The following ZNF516 variants were observed in gnomAD, a reference collection of about 807,000 sequenced individuals.
ZNF516 encodes zinc finger protein 516.
A neutral mutation model predicts 79.7 loss-of-function variants in ZNF516; 19 were observed. The observed-to-expected ratio is 0.24, with a 90% CI of 0.17 to 0.35. The LOEUF (loss-of-function observed/expected upper bound fraction) is 0.35. Among genes scored for constraint, ZNF516 ranks in the 10% least tolerant of loss-of-function variants. ZNF516 has a pLI of 1.00. For synonymous variants in ZNF516, 877 were observed against 739.5 expected (o/e 1.19, Z -3.02); for missense variants, 1,678 against 1,679.5 (o/e 1.00, Z 0.02).
intron 6 of ZNF516, 37 bp downstream of exon 6, chr18:76,370,491 A>G: frequency 6.4e-7 from 1 of 1,566,210 alleles, no homozygotes; most frequent in Non-Finnish European, 8.7e-7. Context: ...CAGCTACCGC[A>G]TCGAAACCCA....
At chr18:76,412,759 T>A (rs1415047533) in intron 3 of ZNF516, among the ~76,000 whole-genome samples, 2 of 152,226 alleles carry the variant, frequency 1.3e-5, no homozygotes, top group Non-Finnish European at 2.9e-5. Context: ...CAAGATTTTG[T>A]CTGGACACAG....
chr18:76,460,339 T>A (rs1913023446), intron 2 of ZNF516, among the ~76,000 whole-genome samples: 1 of 152,190 alleles, frequency 6.6e-6, no homozygotes, highest in Non-Finnish European at 1.5e-5. Flanking sequence ...GCCCATTCCC[T>A]GTCTTCCTGC....
chr18:76,425,817 G>C (rs1246883983), intron 3 of ZNF516, among the ~76,000 whole-genome samples: 1 of 152,190 alleles, frequency 6.6e-6, no homozygotes, highest in African/African-American at 2.4e-5. Context: ...AGGGGTCGAG[G>C]TCCAGGTAAG....
At chr18:76,455,058 C>T (rs1400728467) in intron 2 of ZNF516, among the ~76,000 whole-genome samples, 1 of 152,138 alleles carries the variant, frequency 6.6e-6, no homozygotes, top group East Asian at 1.9e-4. Context: ...ACCCTTTATC[C>T]CAGCCTGGGT....
At chr18:76,441,129 G>A in intron 3 of ZNF516, 116 bp downstream of exon 3, 1 of 1,398,884 alleles carries the variant, frequency 7.1e-7, no homozygotes, top group East Asian at 2.5e-5. Flanking sequence ...GCTGAGTAAA[G>A]GGCCACCGGG....
intron 3 of ZNF516, chr18:76,388,553 C>T (rs1192384872): frequency 6.7e-6 from 1 of 149,824 alleles, no homozygotes; most frequent in Non-Finnish European, 1.5e-5. Flanking sequence ...CTCCCATGAG[C>T]CATCATGTAC....
chr18:76,435,988 G>A (rs1296662854), intron 3 of ZNF516, among the ~76,000 whole-genome samples: 2 of 152,254 alleles, frequency 1.3e-5, no homozygotes, highest in African/African-American at 4.8e-5. Flanking sequence ...CTTTTTGGGG[G>A]CACCTGACTT....
At chr18:76,407,998 G>A (rs747906033) in intron 3 of ZNF516, among the ~76,000 whole-genome samples, 7 of 152,224 alleles carry the variant, frequency 4.6e-5, no homozygotes, top group South Asian at 2.1e-4. Flanking sequence ...GGTGCAGCCC[G>A]CGCTGCTTCT....
At chr18:76,441,032 G>A (rs961926581) in intron 3 of ZNF516, among the ~76,000 whole-genome samples, 1 of 152,168 alleles carries the variant, frequency 6.6e-6, no homozygotes, top group South Asian at 2.1e-4. Context: ...GGGTGTGGGG[G>A]ACCCTGGGCA....
Position 76,361,366 on chromosome 18 carries a change from G to A in ZNF516, c.*1132C>T, listed in dbSNP as rs1197234467. On this transcript the variant is annotated 3_prime_UTR_variant, in exon 7 of 7. Coordinates refer to ENST00000443185, the MANE Select transcript of ZNF516 (RefSeq NM_014643.4). Reference sequence around the variant, plus strand: ...CAAAAACTCGCATTTGCATTACTGAGGAAGAGGTATATGAAGCCGTCCCCC... The same window carrying A: ...CAAAAACTCGCATTTGCATTACTGAAGAAGAGGTATATGAAGCCGTCCCCC... 1 of 152,250 alleles carries A rather than the reference G, an allele frequency of 6.6e-6. No individual in the cohort carries two copies. Among genetic ancestry groups the A allele is most frequent in the East Asian group, 1.9e-4 (1 of 5,208 alleles). 9.4% of individuals were successfully genotyped at this position (152,250 alleles called of 1,614,324 possible).
At chr18:76,375,788 A>G (rs991535716) in intron 4 of ZNF516, among the ~76,000 whole-genome samples, 10 of 147,758 alleles carry the variant, frequency 6.8e-5, no homozygotes, top group Non-Finnish European at 6.0e-5. Context: ...GGAAGGCCCC[A>G]AAGACCAGGT....
intron 3 of ZNF516, among the ~76,000 whole-genome samples, chr18:76,430,747 G>GT (rs2075650851): frequency 6.6e-6 from 1 of 152,152 alleles, no homozygotes; most frequent in Admixed American, 6.5e-5. Flanking sequence ...AGTGCTGAAC[G>GT]TAACTATTCT....
chr18:76,490,898 C>T (rs1000958174), intron 1 of ZNF516: 1 of 985,416 alleles, frequency 1.0e-6, no homozygotes, highest in African/African-American at 1.7e-5. Flanking sequence ...CTTTTCCAGG[C>T]AGTCCACAGA....
chr18:76,435,862 C>G (rs754069784), intron 3 of ZNF516, among the ~76,000 whole-genome samples: 2 of 152,202 alleles, frequency 1.3e-5, no homozygotes, highest in Non-Finnish European at 2.9e-5. Flanking sequence ...TCTGTCTCAC[C>G]AGATCCCACT....
At chr18:76,407,578 AC>A (rs767847417) in intron 3 of ZNF516, among the ~76,000 whole-genome samples, 2 of 152,184 alleles carry the variant, frequency 1.3e-5, no homozygotes, top group Non-Finnish European at 2.9e-5. Context: ...CGCCCTCTGA[AC>A]ACAAGCCATG....
At position 76,459,090 on chromosome 18, in the gene ZNF516, G is replaced by C. The variant is rs1437210238; in HGVS notation, c.-158+3938C>G. Among the ~76,000 whole-genome samples the C allele has an allele frequency of 6.6e-6, 1 of 152,226 alleles. No homozygotes were observed. The highest frequency in any genetic ancestry group is 2.4e-5 in the African/African-American group (1 of 41,470). On this transcript the variant is annotated intron_variant, in intron 2 of 6. Transcript: ENST00000443185. This position sits in a 1 kb window ranked among gnomAD's most constrained non-coding sequence, Gnocchi z 5.0. Reference sequence around the variant, plus strand: ...ACCCTACCTGGAGGCAAACACGCATGTCCACTTCCAACAATCTACCAGCAA... The same window carrying C: ...ACCCTACCTGGAGGCAAACACGCATCTCCACTTCCAACAATCTACCAGCAA...
At chr18:76,461,770 A>G (rs887222120) in intron 2 of ZNF516, among the ~76,000 whole-genome samples, 5 of 152,220 alleles carry the variant, frequency 3.3e-5, no homozygotes, top group African/African-American at 1.2e-4. Context: ...CACGGGAACC[A>G]GCTTGAGGCT....
intron 4 of ZNF516, among the ~76,000 whole-genome samples, chr18:76,377,409 G>C (rs149240430): frequency 1.3e-5 from 2 of 152,388 alleles, no homozygotes; most frequent in South Asian, 2.1e-4. Flanking sequence ...CTGTAAGAGG[G>C]GCAGCAGGCC....
intron 3 of ZNF516, among the ~76,000 whole-genome samples, chr18:76,390,317 T>C (rs1239673359): frequency 2.0e-5 from 3 of 152,350 alleles, no homozygotes; most frequent in Middle Eastern, 3.4e-3. Flanking sequence ...GAGCCATGTA[T>C]GTCTGTAATG....
Sources: allele counts gnomAD v4.1 joint callset (sites outside exome capture counted in the v4.1 genomes callset), GRCh38; gene constraint gnomAD v4.1.1; non-coding constraint Gnocchi (gnomAD v3.1); transcripts MANE v1.5; gene names NCBI Gene and HGNC (gene_info 2026-07-23, HGNC 2026-07-21).